Variants in TMLHE observed in about 807,000 individuals in gnomAD.
TMLHE encodes the protein trimethyllysine dioxygenase, mitochondrial.
Under a neutral mutation model 25.7 loss-of-function variants are expected in TMLHE, and 18 were observed. The observed-to-expected ratio is 0.70, with a 90% CI of 0.48 to 1.04. TMLHE has a LOEUF of 1.04. TMLHE is among the 50% of genes least tolerant of loss of function. TMLHE has a pLI of 0.00. For missense variants in TMLHE, 236 were observed against 259.0 expected (o/e 0.91, Z 0.61); for synonymous variants, 105 against 97.0 (o/e 1.08, Z -0.49).
intron 1 of TMLHE, among the ~76,000 whole-genome samples, chrX:155,546,974 T>G (rs955200457): frequency 3.6e-5 from 4 of 110,419 alleles, no homozygotes; most frequent in African/African-American, 6.6e-5. Context: ...GTCTATGAAG[T>G]CTACAATATG....
chrX:155,505,735 T>A lies in TMLHE; in HGVS notation c.995+1163A>T, dbSNP rs184164883. Reference sequence around the variant, plus strand: ...TATTTGCTTATTTATTTTTAATTACTCTGTCGTCACTATAATGAGAATTCC... The same window carrying A: ...TATTTGCTTATTTATTTTTAATTACACTGTCGTCACTATAATGAGAATTCC... On this transcript the variant is annotated intron_variant, in intron 6 of 7. Coordinates refer to ENST00000334398, the MANE Select transcript of TMLHE (RefSeq NM_018196.4). Among the ~76,000 whole-genome samples, 6 of 111,767 alleles carry A rather than the reference T, an allele frequency of 5.4e-5. No homozygotes were observed. In the East Asian group the frequency reaches 1.7e-3, roughly 31 times the overall value.
chrX:155,599,075 TA>T (rs1557346918), intron 1 of TMLHE, among the ~76,000 whole-genome samples: 1 of 111,406 alleles, frequency 9.0e-6, no homozygotes, highest in African/African-American at 3.3e-5. Context: ...ATGTATAACA[TA>T]AAAAGTATGT....
At chrX:155,584,230 G>A (rs1043143075) in intron 1 of TMLHE, among the ~76,000 whole-genome samples, 29 of 108,985 alleles carry the variant, frequency 2.7e-4, no homozygotes, top group African/African-American at 9.3e-4. Flanking sequence ...ACATTTGAAA[G>A]TTACAACAAT....
intron 1 of TMLHE, among the ~76,000 whole-genome samples, chrX:155,548,561 C>T (rs1455606375): frequency 3.7e-5 from 4 of 107,042 alleles, no homozygotes; most frequent in Non-Finnish European, 5.8e-5. Flanking sequence ...TGGTGAAACC[C>T]TGTCTCTACT....
At chrX:155,604,145 G>T (rs781793374) in intron 1 of TMLHE, among the ~76,000 whole-genome samples, 49 of 107,745 alleles carry the variant, frequency 4.5e-4, no homozygotes, top group African/African-American at 1.6e-3. Context: ...CAGAACAGCT[G>T]CCCTACCTCG....
At chrX:155,544,718 C>A (rs2067332908) in intron 2 of TMLHE, among the ~76,000 whole-genome samples, 3 of 111,126 alleles carry the variant, frequency 2.7e-5, no homozygotes, top group Non-Finnish European at 3.8e-5. Flanking sequence ...GCTTTCTTTT[C>A]TTTATTTTTT....
intron 1 of TMLHE, among the ~76,000 whole-genome samples, chrX:155,548,519 A>T (rs1256309275): frequency 9.1e-6 from 1 of 110,090 alleles, no homozygotes; most frequent in Non-Finnish European, 1.9e-5. Context: ...GCGGATCACA[A>T]GGTCAGCAGT....
chrX:155,552,236 A>G (rs1427062517), intron 1 of TMLHE, among the ~76,000 whole-genome samples: 1 of 110,357 alleles, frequency 9.1e-6, no homozygotes, highest in Non-Finnish European at 1.9e-5. Context: ...TTACAGTATT[A>G]TTCTAACTTT....
chrX:155,511,239 C>G (rs782706734), intron 5 of TMLHE, among the ~76,000 whole-genome samples: 1 of 109,920 alleles, frequency 9.1e-6, no homozygotes, highest in Non-Finnish European at 1.9e-5. Context: ...CCTGTGACAG[C>G]TAGCTGTTTA....
chrX:155,509,370 T>G (rs1454380843), intron 5 of TMLHE, among the ~76,000 whole-genome samples: 1 of 111,781 alleles, frequency 8.9e-6, no homozygotes, highest in Non-Finnish European at 1.9e-5. Context: ...CTAATACATG[T>G]TGAGGCTGGA....
intron 6 of TMLHE, among the ~76,000 whole-genome samples, chrX:155,505,334 A>G (rs1393731601): frequency 8.9e-6 from 1 of 111,975 alleles, no homozygotes; most frequent in Non-Finnish European, 1.9e-5. Flanking sequence ...GCACTTAGAT[A>G]TATGAGAGAT....
chrX:155,575,343 C>T (rs782454108), intron 1 of TMLHE, among the ~76,000 whole-genome samples: 20 of 112,027 alleles, frequency 1.8e-4, no homozygotes, highest in South Asian at 3.7e-4. Flanking sequence ...CTTTAACATA[C>T]GAATTTTGGA....
chrX:155,582,699 T>C (rs1342856263), intron 1 of TMLHE, among the ~76,000 whole-genome samples: 9 of 111,769 alleles, frequency 8.1e-5, no homozygotes, highest in Non-Finnish European at 1.1e-4. Context: ...TGCAGAGAAA[T>C]AGGAACAGTT....
chrX:155,569,732 ACTAAG>A lies in TMLHE; in HGVS notation c.-1-24460_-1-24456del, dbSNP rs2067535566. Among the ~76,000 whole-genome samples the A allele has an allele frequency of 5.6e-5, 3 of 53,223 alleles. 1 individual carries two copies. The highest frequency in any genetic ancestry group is 9.1e-5 in the African/African-American group (2 of 22,012). The allele number at this position is 53,223 out of a possible 115,157, so 46.2% of individuals were successfully genotyped here. A position where few individuals can be genotyped will look rare whatever the true frequency, so the allele number is the denominator to read the frequency against. ...AACCCAGAATTTCATATCCAGCCAA[ACTAAG>A]CTTCATAAGTGAAGGAGAAATAAAA... On this transcript the variant is annotated intron_variant, in intron 1 of 7. Coordinates refer to ENST00000334398, the MANE Select transcript of TMLHE (RefSeq NM_018196.4).
intron 1 of TMLHE, among the ~76,000 whole-genome samples, chrX:155,555,833 T>C (rs1377230923): frequency 9.1e-6 from 1 of 110,394 alleles, no homozygotes; most frequent in Admixed American, 9.6e-5. Flanking sequence ...CTGTTCACTC[T>C]GATGGTAGTT....
chrX:155,507,020 G>A lies in TMLHE; in HGVS notation c.873C>T (p.Leu291=). Residue 291 remains leucine (L), a synonymous_variant, in exon 6 of 8, where the codon CTC becomes CTT. Coordinates refer to ENST00000334398, the MANE Select transcript of TMLHE (RefSeq NM_018196.4). ...VLQKAPEEFE[L]LSKVPLKHEY... ...CATGCTTCAATGGCACTTTACTGAG[G>A]AGTTCAAATTCCTCAGGTGCCTTTT... The A allele has an allele frequency of 1.7e-6, 2 of 1,209,492 alleles. No homozygotes were observed. Among genetic ancestry groups the A allele is most frequent in the Non-Finnish European group, 2.2e-6 (2 of 894,088 alleles).
At chrX:155,510,383 A>G (rs1450291930) in intron 5 of TMLHE, among the ~76,000 whole-genome samples, 185 of 92,041 alleles carry the variant, frequency 2.0e-3, no homozygotes, top group African/African-American at 7.1e-3. Flanking sequence ...ATATCTCCCG[A>G]TGCTATCCCT....
chrX:155,570,389 G>A (rs1354003449), intron 1 of TMLHE, among the ~76,000 whole-genome samples: 1 of 53,838 alleles, frequency 1.9e-5, no homozygotes, highest in Non-Finnish European at 4.7e-5. Flanking sequence ...AATAATGGGA[G>A]ACTTTAACAC....
In TMLHE at chrX:155,506,885, C is replaced by T. The variant is rs201798321; in HGVS notation, c.995+13G>A. On this transcript the variant is annotated intron_variant, in intron 6 of 7. Coordinates refer to ENST00000334398, the MANE Select transcript of TMLHE (RefSeq NM_018196.4). ...AAATATATTACAGTTGGGGATAGTT[C>T]TTTGATACTCACCTGATCAAATACA... 945 of 1,186,379 alleles carry T rather than the reference C, an allele frequency of 8.0e-4. No homozygotes were observed. The highest frequency in any genetic ancestry group is 1.0e-3 in the Non-Finnish European group (910 of 874,523).
Sources: allele counts gnomAD v4.1 joint callset (sites outside exome capture counted in the v4.1 genomes callset), GRCh38; gene constraint gnomAD v4.1.1; transcripts MANE v1.5; gene names NCBI Gene and HGNC (gene_info 2026-07-23, HGNC 2026-07-21).